PREX1: variants seen among roughly 807,000 people sequenced by gnomAD.
The protein encoded by PREX1 is phosphatidylinositol-3,4,5-trisphosphate dependent Rac exchange factor 1, also known as phosphatidylinositol 3,4,5-trisphosphate-dependent Rac exchanger 1 protein.
Under a neutral mutation model 198.3 loss-of-function variants are expected in PREX1, and 41 were observed. The ratio of observed to expected loss-of-function variants is 0.21; its 90% CI spans 0.16 to 0.27. The LOEUF is 0.27. Among genes scored for constraint, PREX1 ranks in the 10% least tolerant of loss-of-function variants. The pLI is 1.00. For missense variants in PREX1, 1,620 were observed against 2,200.7 expected (o/e 0.74, Z 5.28); for synonymous variants, 843 against 887.2 (o/e 0.95, Z 0.89).
chr20:48,803,560 C>G (rs2090397110), intron 1 of PREX1, among the ~76,000 whole-genome samples: 1 of 152,144 alleles, frequency 6.6e-6, no homozygotes, highest in East Asian at 1.9e-4. Flanking sequence ...CACCCCAATT[C>G]CACTTCCCAA....
chr20:48,843,438 A>G, the PREX1 span, among the ~76,000 whole-genome samples: 9 of 152,230 alleles, frequency 5.9e-5, no homozygotes, highest in African/African-American at 1.7e-4. Flanking sequence ...CTGGAGCCCC[A>G]GTACTACAAG....
chr20:48,659,302 G>A (rs537920192), intron 16 of PREX1, among the ~76,000 whole-genome samples: 1 of 145,132 alleles, frequency 6.9e-6, no homozygotes, highest in South Asian at 2.3e-4. Flanking sequence ...AAGAAAACAA[G>A]AAAAGAGAAA....
intron 26 of PREX1, 78 bp downstream of exon 26, chr20:48,645,773 G>C (rs1189837142): frequency 1.3e-6 from 2 of 1,482,640 alleles, no homozygotes; most frequent in East Asian, 2.4e-5. Context: ...CACTGATTCT[G>C]ATGTTGCCAC....
chr20:48,696,612 CAT>C (rs2089847201), intron 7 of PREX1, among the ~76,000 whole-genome samples: 5 of 89,366 alleles, frequency 5.6e-5, no homozygotes, highest in South Asian at 4.7e-4. Flanking sequence ...CACACACATA[CAT>C]ACATACATAC....
chr20:48,804,760 A>G (rs2090404140), intron 1 of PREX1, among the ~76,000 whole-genome samples: 1 of 152,182 alleles, frequency 6.6e-6, no homozygotes, highest in African/African-American at 2.4e-5. Context: ...AAGTGGCCGG[A>G]TCCTGGCTGC....
the PREX1 span, among the ~76,000 whole-genome samples, chr20:48,879,436 A>T: frequency 6.6e-6 from 1 of 152,134 alleles, no homozygotes; most frequent in African/African-American, 2.4e-5. Context: ...TACTGTTCTG[A>T]ATCTCCCACA....
the PREX1 span, among the ~76,000 whole-genome samples, chr20:48,877,982 G>A: frequency 1.3e-5 from 2 of 152,156 alleles, no homozygotes; most frequent in African/African-American, 2.4e-5. Context: ...GGTGGTGTAT[G>A]CCTATAATCC....
chr20:48,640,026 C>T, intron 29 of PREX1, 132 bp from the exon 30 acceptor site: 1 of 1,264,970 alleles, frequency 7.9e-7, no homozygotes, highest in Non-Finnish European at 1.1e-6. Flanking sequence ...GGCAGGACTC[C>T]TGGGCATTAT....
At chr20:48,751,845 G>A (rs1050458016) in intron 1 of PREX1, among the ~76,000 whole-genome samples, 11 of 152,136 alleles carry the variant, frequency 7.2e-5, no homozygotes, top group South Asian at 2.1e-4. Context: ...GATGAAATAC[G>A]TCAGGGATAC....
intron 22 of PREX1, 96 bp downstream of exon 22, chr20:48,651,300 C>T (rs1166645103): frequency 3.4e-6 from 5 of 1,462,980 alleles, no homozygotes; most frequent in South Asian, 1.4e-5. Context: ...AAATGGGATT[C>T]GGGTGTCCCA....
At chr20:48,626,111 C>G (rs1196440922) in intron 39 of PREX1, among the ~76,000 whole-genome samples, 184 bp from the exon 40 acceptor site, 1 of 152,258 alleles carries the variant, frequency 6.6e-6, no homozygotes, top group Non-Finnish European at 1.5e-5. Flanking sequence ...CCCCTACCCA[C>G]AGGCAGTCTC....
chr20:48,811,492 G>A (rs1021979052), intron 1 of PREX1, among the ~76,000 whole-genome samples: 1 of 151,694 alleles, frequency 6.6e-6, no homozygotes, highest in East Asian at 1.9e-4. Context: ...CCCACAGCAA[G>A]GGTACGATCA....
chr20:48,833,148 A>G, the PREX1 span, among the ~76,000 whole-genome samples: 1 of 152,200 alleles, frequency 6.6e-6, no homozygotes, highest in African/African-American at 2.4e-5. Context: ...TAAAATATTT[A>G]ATAGATCCAA....
At chr20:48,747,609 C>T (rs1462775986) in intron 2 of PREX1, among the ~76,000 whole-genome samples, 200 bp downstream of exon 2, 1 of 152,244 alleles carries the variant, frequency 6.6e-6, no homozygotes, top group Admixed American at 6.5e-5. Flanking sequence ...TGCTGACATC[C>T]ACCAAGCACA....
intron 7 of PREX1, among the ~76,000 whole-genome samples, chr20:48,693,188 G>GTCCGTCCGTCCATCCA (rs1555835929): frequency 1.3e-5 from 2 of 150,806 alleles, no homozygotes; most frequent in African/African-American, 4.9e-5. Context: ...CTGGCAGTCC[G>GTCCGTCCGTCCATCCA]TCCATCCATC....
intron 26 of PREX1, among the ~76,000 whole-genome samples, chr20:48,645,296 C>G (rs1389382824): frequency 6.6e-6 from 1 of 152,196 alleles, no homozygotes; most frequent in Non-Finnish European, 1.5e-5. Context: ...TTCACTGGGA[C>G]CACAGTGCTG....
At position 48,708,727 on chromosome 20, in the gene PREX1, C is replaced by A. The variant is rs148232989; in HGVS notation, c.622-306G>T. On this transcript the variant is annotated intron_variant, in intron 5 of 39. Transcript: ENST00000371941. ...GCCCTGGACAGAGCAAGAGAGAGAGCCCTGCAAAAACCCGAGGGGAGAGCC... is the reference window on the plus strand; with the variant it reads ...GCCCTGGACAGAGCAAGAGAGAGAGACCTGCAAAAACCCGAGGGGAGAGCC... 2.2e-3 allele frequency among the ~76,000 whole-genome samples: 341 copies of A among 152,138 alleles called. 2 individuals are homozygous for A. Among genetic ancestry groups the A allele is most frequent in the African/African-American group, 7.8e-3 (323 of 41,492 alleles).
chr20:48,711,820 A>G (rs4810865), intron 5 of PREX1, among the ~76,000 whole-genome samples: 51,520 of 152,156 alleles, frequency 0.34, 12,310 homozygotes, highest in African/African-American at 0.68. Flanking sequence ...GCCTGGACAC[A>G]AGGTTCTCAT....
chr20:48,678,273 G>A (rs1399844395), intron 13 of PREX1, among the ~76,000 whole-genome samples: 1 of 151,540 alleles, frequency 6.6e-6, no homozygotes, highest in Non-Finnish European at 1.5e-5. Flanking sequence ...TTGCGCCACT[G>A]CACTCCAACT....
Sources: gnomAD v4.1 joint callset for allele counts (sites outside exome capture counted in the v4.1 genomes callset) on GRCh38, gnomAD v4.1.1 for gene constraint, MANE v1.5 for transcripts, NCBI Gene and HGNC (gene_info 2026-07-23, HGNC 2026-07-21) for gene names.